The following SCIMP variants were observed in gnomAD, a reference collection of about 807,000 sequenced individuals.
The protein encoded by SCIMP is SLP adapter and CSK-interacting membrane protein.
Under a neutral mutation model 22.0 loss-of-function variants are expected in SCIMP, and 18 were observed. That is an observed-to-expected ratio of 0.82 (90% CI 0.56 to 1.21). SCIMP has a LOEUF of 1.21. Among genes scored for constraint, SCIMP ranks in the 50% most tolerant of loss-of-function variants. The probability of loss-of-function intolerance (pLI) is 0.00; values close to 1 mark genes in which losing one functional copy is unlikely to be tolerated. For synonymous variants in SCIMP, 53 were observed against 62.2 expected, an observed-to-expected ratio of 0.85 and a Z score of 0.70; for missense variants, 155 against 171.2, an observed-to-expected ratio of 0.91 and a Z score of 0.53.
At chr17:5,212,798 C>G (rs1021321775) in intron 4 of SCIMP, among the ~76,000 whole-genome samples, 2 of 152,128 alleles carry the variant, frequency 1.3e-5, no homozygotes, top group Non-Finnish European at 2.9e-5. Context: ...TCTTAAGTAT[C>G]GACTGAGCCT....
intron 1 of SCIMP, among the ~76,000 whole-genome samples, chr17:5,227,392 C>T (rs983102303): frequency 6.6e-6 from 1 of 151,916 alleles, no homozygotes; most frequent in Non-Finnish European, 1.5e-5. Flanking sequence ...TAAGCTCCTC[C>T]TCAGCTACTC....
At position 5,226,124 on chromosome 17, in the gene SCIMP, C is replaced by T. The variant is rs572609613; in HGVS notation, c.22-2668G>A. Among the ~76,000 whole-genome samples the T allele has an allele frequency of 9.2e-5, 14 of 152,108 alleles. No individual in the cohort carries two copies. The South Asian group carries it at 1.7e-3, about 18-fold the overall frequency. ...TCTTTAGAGCGATAGAAATAAATAC[C>T]ACGACCTGCGCATTCAAAGCTGTTG... On this transcript the variant is annotated intron_variant, in intron 1 of 4. Transcript: ENST00000574081.
In SCIMP at chr17:5,214,995, A is replaced by G; in HGVS notation, c.213T>C (p.Asn71=). The change falls in exon 4 of 5, where the codon AAT becomes AAC. Residue 71 remains asparagine (N), a synonymous_variant. Transcript: ENST00000574081. The stretch of plus-strand genomic sequence containing the variant: ...ATTGAACTGGCGACTCATTAAGAAC[A>G]TTCCTAGAGAGAGAGAAAGAGAGAG... ...KQVDEEKMYE[N]VLNESPVQLP... is the part of the protein sequence containing the mutation. 6.2e-7 allele frequency: 1 copy of G among 1,605,116 alleles called. No homozygotes were observed. Among genetic ancestry groups the G allele is most frequent in the Non-Finnish European group, 8.5e-7 (1 of 1,171,788 alleles).
chr17:5,229,867 CCT>C (rs1053237959), intron 1 of SCIMP, among the ~76,000 whole-genome samples: 15 of 139,564 alleles, frequency 1.1e-4, no homozygotes, highest in African/African-American at 3.9e-4. Flanking sequence ...TCTCCTTTCT[CCT>C]CTCTGCTCCT....
At chr17:5,217,019 A>G (rs1186572902) in intron 3 of SCIMP, among the ~76,000 whole-genome samples, 1 of 152,156 alleles carries the variant, frequency 6.6e-6, no homozygotes, top group Non-Finnish European at 1.5e-5. Flanking sequence ...ATGAATAAAC[A>G]TTTTTAGGTT....
rs1264560984 is a variant in SCIMP at position 5,215,012 on chromosome 17, A to C, written c.210-14T>G. 1.3e-6 allele frequency: 2 copies of C among 1,568,952 alleles called. No individual in the cohort carries two copies. Among genetic ancestry groups the C allele is most frequent in the Non-Finnish European group, 1.8e-6 (2 of 1,139,328 alleles). On this transcript the variant is annotated splice_polypyrimidine_tract_variant and intron_variant, in intron 3 of 4. Transcript: ENST00000574081. ...TTAAGAACATTCCTAGAGAGAGAGA[A>C]AGAGAGAGAATCAGTGTTTGGTTTG...
intron 2 of SCIMP, among the ~76,000 whole-genome samples, chr17:5,223,041 C>T (rs1648198364): frequency 6.6e-6 from 1 of 152,138 alleles, no homozygotes; most frequent in Non-Finnish European, 1.5e-5. Context: ...GAAGAAAAAG[C>T]ACTTGAGCAT....
At chr17:5,229,758 C>T (rs528855793) in intron 1 of SCIMP, among the ~76,000 whole-genome samples, 2 of 151,906 alleles carry the variant, frequency 1.3e-5, no homozygotes, top group South Asian at 4.2e-4. Flanking sequence ...GATAGTTATT[C>T]ACGTATTCAC....
intron 1 of SCIMP, among the ~76,000 whole-genome samples, chr17:5,226,133 C>T (rs1436976958): frequency 1.3e-4 from 20 of 152,122 alleles, no homozygotes; most frequent in Admixed American, 1.2e-3. Context: ...CCACGACCTG[C>T]GCATTCAAAG....
intron 1 of SCIMP, chr17:5,234,514 G>A: frequency 3.4e-6 from 2 of 592,668 alleles, no homozygotes; most frequent in South Asian, 4.0e-5. Context: ...CCAGAGAGGT[G>A]AAGTGATGCC....
chr17:5,213,987 A>G (rs2074545661), intron 4 of SCIMP: 1 of 152,242 alleles, frequency 6.6e-6, no homozygotes. Context: ...CCTTGATCCA[A>G]CAGGATCAGT....
intron 1 of SCIMP, chr17:5,223,768 TG>T (rs2074626390): frequency 2.9e-6 from 1 of 349,888 alleles, no homozygotes; most frequent in African/African-American, 2.1e-5. Flanking sequence ...CAGGCTGGTC[TG>T]GAACTCCTGA....
At chr17:5,218,330 C>T (rs1157629903) in intron 3 of SCIMP, among the ~76,000 whole-genome samples, 1 of 150,934 alleles carries the variant, frequency 6.6e-6, no homozygotes, top group Non-Finnish European at 1.5e-5. Flanking sequence ...TGGCCAATAC[C>T]AGTTTTAGTT....
At chr17:5,226,746 T>C (rs1033946779) in intron 1 of SCIMP, among the ~76,000 whole-genome samples, 5 of 151,894 alleles carry the variant, frequency 3.3e-5, no homozygotes, top group African/African-American at 1.2e-4. Context: ...TGACCTCAGG[T>C]GATCCGCCTG....
rs375353067 is a variant in SCIMP at position 5,231,972 on chromosome 17, C to T, written c.21+2763G>A. Among the ~76,000 whole-genome samples, 94 of 152,186 alleles carry T rather than the reference C, an allele frequency of 6.2e-4. No homozygotes were observed. The East Asian group carries it at 0.013, about 22-fold the overall frequency. Reference sequence around the variant, plus strand: ...TCGGGAGGCTGAGGCAGGAGAATGGCGTGAACCCGGGAGGCGGAGCTTGCA... The same window carrying T: ...TCGGGAGGCTGAGGCAGGAGAATGGTGTGAACCCGGGAGGCGGAGCTTGCA... On this transcript the variant is annotated intron_variant, in intron 1 of 4. Coordinates refer to ENST00000574081, the MANE Select transcript of SCIMP (RefSeq NM_207103.3).
chr17:5,211,000 T>C, intron 4 of SCIMP, 45 bp from the exon 5 acceptor site: 1 of 1,564,794 alleles, frequency 6.4e-7, no homozygotes, highest in Non-Finnish European at 8.6e-7. Context: ...TGTCATGTGT[T>C]TTTATATTTT....
chr17:5,214,910 G>A lies in SCIMP; in HGVS notation c.283+15C>T, dbSNP rs774379987. On this transcript the variant is annotated intron_variant, in intron 4 of 4. Transcript: ENST00000574081. Reference sequence around the variant, plus strand: ...CTTACCCTAAATGAAACTGCTACCAGTAAAATATACTTACAAGAGTCTTCT... The same window carrying A: ...CTTACCCTAAATGAAACTGCTACCAATAAAATATACTTACAAGAGTCTTCT... 2.9e-6 allele frequency: 4 copies of A among 1,360,758 alleles called. No homozygotes were observed. The highest frequency in any genetic ancestry group is 4.2e-6 in the Non-Finnish European group (4 of 961,138). 84.3% of individuals were successfully genotyped at this position (1,360,758 alleles called of 1,614,324 possible).
At position 5,210,448 on chromosome 17, in the gene SCIMP, C is replaced by T. The variant is rs555335272; in HGVS notation, c.*353G>A. 16 of 203,166 alleles carry T rather than the reference C, an allele frequency of 7.9e-5. No individual in the cohort carries two copies. Among genetic ancestry groups the T allele is most frequent in the African/African-American group, 3.5e-4 (15 of 42,636 alleles). The allele number at this position is 203,166 out of a possible 1,614,324, so 12.6% of individuals were successfully genotyped here. Reference sequence around the variant, plus strand: ...GCTGAGATTTAATATCACTCAGAACCATGCAAACCAAAGGGAATGAAGGGG... The same window carrying T: ...GCTGAGATTTAATATCACTCAGAACTATGCAAACCAAAGGGAATGAAGGGG... On this transcript the variant is annotated 3_prime_UTR_variant, in exon 5 of 5. Transcript: ENST00000574081.
At position 5,223,332 on chromosome 17, in the gene SCIMP, C is replaced by T; in HGVS notation, c.145+1G>A. On this transcript the variant is annotated splice_donor_variant, in intron 2 of 4. Coordinates refer to ENST00000574081, the MANE Select transcript of SCIMP (RefSeq NM_207103.3). LOFTEE classifies it high-confidence loss of function. ...ACCTGCCTAGGTAAAATGGCCATTA[C>T]CTCGTCTAAGCTGCCACTTACAGAC... 1.9e-6 allele frequency: 3 copies of T among 1,613,656 alleles called. No individual in the cohort carries two copies. The highest frequency in any genetic ancestry group is 2.5e-6 in the Non-Finnish European group (3 of 1,179,844).
Sources: gnomAD v4.1 joint callset for allele counts (sites outside exome capture counted in the v4.1 genomes callset) on GRCh38, gnomAD v4.1.1 for gene constraint, MANE v1.5 for transcripts, NCBI Gene and HGNC (gene_info 2026-07-23, HGNC 2026-07-21) for gene names.